IPO11: variants seen among roughly 807,000 people sequenced by gnomAD.
IPO11 encodes importin-11.
A neutral mutation model predicts 143.2 loss-of-function variants in IPO11; 66 were observed. That is an observed-to-expected ratio of 0.46 (90% CI 0.38 to 0.57). The LOEUF is 0.57. Ranked by LOEUF, IPO11 falls within the 20% of genes least tolerant of loss-of-function variation. The probability of loss-of-function intolerance (pLI) is 0.00; values close to 1 mark genes in which losing one functional copy is unlikely to be tolerated. For missense variants in IPO11, 1,026 were observed against 1,141.0 expected (o/e 0.90, Z 1.45); for synonymous variants, 385 against 377.8 (o/e 1.02, Z -0.22).
At chr5:62,509,988 G>C (rs1393163313) in intron 19 of IPO11, among the ~76,000 whole-genome samples, 1 of 152,122 alleles carries the variant, frequency 6.6e-6, no homozygotes, top group Admixed American at 6.5e-5. Context: ...TTTCCATAGT[G>C]GCTGTAACAT....
chr5:62,536,614 T>G, intron 22 of IPO11, 88 bp from the exon 23 acceptor site: 1 of 1,455,080 alleles, frequency 6.9e-7, no homozygotes, highest in South Asian at 1.3e-5. Flanking sequence ...TGCAAATTAG[T>G]TTTAAATAAC....
chr5:62,454,402 T>C (rs1416897675), intron 5 of IPO11, among the ~76,000 whole-genome samples: 1 of 152,208 alleles, frequency 6.6e-6, no homozygotes, highest in Non-Finnish European at 1.5e-5. Flanking sequence ...ATCAATTGTC[T>C]AGAAGATTCT....
chr5:62,430,964 G>A (rs1468220197), intron 1 of IPO11, among the ~76,000 whole-genome samples: 1 of 150,722 alleles, frequency 6.6e-6, no homozygotes, highest in African/African-American at 2.4e-5. Context: ...TGTGAGCCAC[G>A]TGAGCCACCG....
At chr5:62,514,890 C>G (rs1353066731) in intron 19 of IPO11, among the ~76,000 whole-genome samples, 1 of 152,014 alleles carries the variant, frequency 6.6e-6, no homozygotes, top group South Asian at 2.1e-4. Flanking sequence ...TCCACCATAC[C>G]TTGTATACAC....
intron 29 of IPO11, among the ~76,000 whole-genome samples, chr5:62,608,353 C>T (rs1453443600): frequency 6.6e-6 from 1 of 152,182 alleles, no homozygotes; most frequent in Non-Finnish European, 1.5e-5. Flanking sequence ...CTTACTGTAT[C>T]TGGGGGCCTG....
At chr5:62,437,135 AAG>A in intron 1 of IPO11, 137 bp from the exon 2 acceptor site, 1 of 557,814 alleles carries the variant, frequency 1.8e-6, no homozygotes, top group Non-Finnish European at 2.9e-6. Context: ...ATACTTAGAA[AAG>A]ATAGAAAGGC....
chr5:62,457,734 C>A (rs1262680575), intron 5 of IPO11, among the ~76,000 whole-genome samples: 1 of 152,028 alleles, frequency 6.6e-6, no homozygotes, highest in African/African-American at 2.4e-5. Context: ...ATGATGTGGT[C>A]CTTAGGGGAA....
chr5:62,528,741 G>T (rs1742448829), intron 21 of IPO11, among the ~76,000 whole-genome samples: 1 of 152,230 alleles, frequency 6.6e-6, no homozygotes, highest in East Asian at 1.9e-4. Context: ...GGAGTAATGG[G>T]CTGGATTAGG....
intron 1 of IPO11, chr5:62,418,938 A>C: frequency 6.7e-7 from 1 of 1,496,286 alleles, no homozygotes; most frequent in East Asian, 2.5e-5. Context: ...CGAGTTGCTT[A>C]AGGCTGGGAT....
At chr5:62,419,127 GGTAA>G (rs1373744755) in intron 1 of IPO11, 26 of 1,548,768 alleles carry the variant, frequency 1.7e-5, no homozygotes, top group Middle Eastern at 3.5e-4. Context: ...GTCACAAAAT[GGTAA>G]GTATTTGTGT....
chr5:62,475,441 G>T (rs997735776), intron 8 of IPO11, among the ~76,000 whole-genome samples: 26 of 152,120 alleles, frequency 1.7e-4, no homozygotes, highest in African/African-American at 5.6e-4. Context: ...AGCCTGAGAG[G>T]TTGAGGCTGC....
At chr5:62,466,346 T>G (rs1298536045) in intron 5 of IPO11, among the ~76,000 whole-genome samples, 1 of 152,252 alleles carries the variant, frequency 6.6e-6, no homozygotes, top group Non-Finnish European at 1.5e-5. Flanking sequence ...ATTGCAGCTC[T>G]GGTTTCTGAT....
chr5:62,453,944 C>T (rs1225143922), intron 5 of IPO11, among the ~76,000 whole-genome samples: 1 of 151,796 alleles, frequency 6.6e-6, no homozygotes, highest in Non-Finnish European at 1.5e-5. Flanking sequence ...ACCATCCTGG[C>T]TAATGGTGAA....
chr5:62,501,434 TCTA>T (rs2112256061), intron 16 of IPO11, among the ~76,000 whole-genome samples: 1 of 152,320 alleles, frequency 6.6e-6, no homozygotes, highest in South Asian at 2.1e-4. Flanking sequence ...GAAACCTTAG[TCTA>T]CTAAGTTTCC....
intron 24 of IPO11, among the ~76,000 whole-genome samples, chr5:62,539,019 T>A (rs1742833469): frequency 2.0e-5 from 3 of 152,146 alleles, no homozygotes; most frequent in Non-Finnish European, 4.4e-5. Flanking sequence ...GGAAGGGTCA[T>A]CTGCCAGATT....
In IPO11 at chr5:62,504,843, T is replaced by A; in HGVS notation, c.1625-15T>A. Reference sequence around the variant, plus strand: ...AAAACTTATATATTCTCAGTATTCCTTAACTGTTCTTCACCTGTTGATGAT... The same window carrying A: ...AAAACTTATATATTCTCAGTATTCCATAACTGTTCTTCACCTGTTGATGAT... On this transcript the variant is annotated splice_polypyrimidine_tract_variant and intron_variant, in intron 17 of 29. Coordinates refer to ENST00000325324, the MANE Select transcript of IPO11 (RefSeq NM_016338.5). The A allele has an allele frequency of 6.5e-7, 1 of 1,532,678 alleles. No homozygotes were observed. The highest frequency in any genetic ancestry group is 8.9e-7 in the Non-Finnish European group (1 of 1,121,874). The allele number at this position is 1,532,678 out of a possible 1,614,324, so 94.9% of individuals were successfully genotyped here.
At chr5:62,536,928 A>G in intron 23 of IPO11, 147 bp downstream of exon 23, 1 of 995,650 alleles carries the variant, frequency 1.0e-6, no homozygotes, top group Non-Finnish European at 1.4e-6. Flanking sequence ...TTCCCATTGC[A>G]GGGCAGATGT....
At chr5:62,437,753 T>A (rs777970382) in intron 2 of IPO11, among the ~76,000 whole-genome samples, 4 of 152,218 alleles carry the variant, frequency 2.6e-5, no homozygotes, top group Non-Finnish European at 5.9e-5. Flanking sequence ...TAATTTATGT[T>A]GTCATAGTTG....
intron 26 of IPO11, among the ~76,000 whole-genome samples, chr5:62,555,986 A>G (rs1743563727): frequency 6.6e-6 from 1 of 152,198 alleles, no homozygotes; most frequent in Non-Finnish European, 1.5e-5. Context: ...TTTAATTAAG[A>G]AAAAGAAAAT....
Sources: allele counts gnomAD v4.1 joint callset (sites outside exome capture counted in the v4.1 genomes callset), GRCh38; gene constraint gnomAD v4.1.1; transcripts MANE v1.5; gene names NCBI Gene and HGNC (gene_info 2026-07-23, HGNC 2026-07-21).